The following HERC4 variants were observed in gnomAD, a reference collection of about 807,000 sequenced individuals.
HERC4 encodes the protein probable E3 ubiquitin-protein ligase HERC4.
A neutral mutation model predicts 124.3 loss-of-function variants in HERC4; 28 were observed. The ratio of observed to expected loss-of-function variants is 0.23; its 90% CI spans 0.17 to 0.31. The LOEUF (loss-of-function observed/expected upper bound fraction) is 0.31. Among genes scored for constraint, HERC4 ranks in the 10% least tolerant of loss-of-function variants. The pLI, the probability that HERC4 is intolerant of heterozygous loss-of-function variation, is 1.00. For synonymous variants in HERC4, 407 were observed against 421.5 expected, an observed-to-expected ratio of 0.97 and a Z score of 0.42; for missense variants, 713 against 1,229.3, an observed-to-expected ratio of 0.58 and a Z score of 6.28.
intron 3 of HERC4, among the ~76,000 whole-genome samples, chr10:68,059,751 A>AATATTATATATCATATTAT (rs2040851018): frequency 1.2e-5 from 1 of 84,118 alleles, no homozygotes; most frequent in Non-Finnish European, 1.9e-5. Context: ...TATATATTAT[A>AATATTATATATCATATTAT]ATATTATATA....
At chr10:67,973,006 T>C (rs962655553) in intron 15 of HERC4, among the ~76,000 whole-genome samples, 1 of 152,174 alleles carries the variant, frequency 6.6e-6, no homozygotes, top group East Asian at 1.9e-4. Flanking sequence ...AAGGATGATA[T>C]CTACATTTTA....
intron 15 of HERC4, among the ~76,000 whole-genome samples, chr10:67,969,880 C>T (rs1302252141): frequency 2.6e-5 from 4 of 152,142 alleles, no homozygotes; most frequent in Admixed American, 1.3e-4. Flanking sequence ...AACCAAGAAC[C>T]ATTTCTGTTC....
chr10:68,030,307 C>G (rs12254861), intron 7 of HERC4, among the ~76,000 whole-genome samples: 2 of 151,560 alleles, frequency 1.3e-5, no homozygotes, highest in Non-Finnish European at 2.9e-5. Flanking sequence ...CGGGTGTGAT[C>G]GTGCATGCCT....
In HERC4 at chr10:67,931,831, T is replaced by C. The variant is rs545735662; in HGVS notation, c.2838+766A>G. ...AGGGTCAAGTGCAGTGGTATAATCA[T>C]GGCTCACTACAGCCTCAACCACCTG... On this transcript the variant is annotated intron_variant, in intron 23 of 24. Transcript: ENST00000373700. Among the ~76,000 whole-genome samples, 73 of 152,340 alleles carry C rather than the reference T, an allele frequency of 4.8e-4. No homozygotes were observed. In the South Asian group the frequency reaches 0.015, roughly 30 times the overall value.
chr10:67,956,433 T>C (rs1589174408), intron 17 of HERC4: 1 of 152,612 alleles, frequency 6.6e-6, no homozygotes, highest in South Asian at 2.1e-4. Flanking sequence ...TTATTGAAAC[T>C]TTCTTCAAGG....
At chr10:68,012,660 T>C (rs915803825) in intron 9 of HERC4, among the ~76,000 whole-genome samples, 1 of 152,148 alleles carries the variant, frequency 6.6e-6, no homozygotes, top group Non-Finnish European at 1.5e-5. Flanking sequence ...ACAGATATAG[T>C]AACAACACAG....
At chr10:67,932,034 T>C (rs1295481158) in intron 23 of HERC4, among the ~76,000 whole-genome samples, 1 of 152,160 alleles carries the variant, frequency 6.6e-6, no homozygotes, top group Admixed American at 6.5e-5. Context: ...CTCAGCTCAC[T>C]GCAACCTCCG....
At chr10:67,996,828 TA>T (rs748755387) in intron 9 of HERC4, among the ~76,000 whole-genome samples, 29 of 151,096 alleles carry the variant, frequency 1.9e-4, no homozygotes, top group Admixed American at 6.6e-5. Context: ...AAAAATAAAA[TA>T]AAATAAAAAT....
At chr10:67,954,798 G>T in intron 18 of HERC4, 60 bp from the exon 19 acceptor site, 1 of 1,517,192 alleles carries the variant, frequency 6.6e-7, no homozygotes, top group Non-Finnish European at 9.1e-7. Context: ...ACATTCTGGA[G>T]ACCCTAGAAC....
chr10:68,013,600 T>C (rs1193897012), intron 9 of HERC4, among the ~76,000 whole-genome samples: 1 of 152,056 alleles, frequency 6.6e-6, no homozygotes, highest in Non-Finnish European at 1.5e-5. Context: ...GAATGAAGAG[T>C]TGCTGTTTAA....
intron 19 of HERC4, among the ~76,000 whole-genome samples, chr10:67,945,244 T>C (rs1435891358): frequency 6.6e-6 from 1 of 152,166 alleles, no homozygotes; most frequent in African/African-American, 2.4e-5. Flanking sequence ...CTCCAGTACA[T>C]CTAGCAGTAG....
intron 16 of HERC4, among the ~76,000 whole-genome samples, chr10:67,957,371 A>C (rs1216333964): frequency 6.6e-6 from 1 of 152,206 alleles, no homozygotes; most frequent in African/African-American, 2.4e-5. Flanking sequence ...TAATCTGTCT[A>C]TTCCTTCATT....
chr10:67,923,187 A>T (rs1447745196), intron 24 of HERC4, 48 bp from the exon 25 acceptor site: 1 of 1,409,394 alleles, frequency 7.1e-7, no homozygotes, highest in Non-Finnish European at 1.0e-6. Context: ...ACAAAAAGAT[A>T]CAGTAGCAAG....
At chr10:67,951,974 A>G (rs2033823353) in intron 19 of HERC4, among the ~76,000 whole-genome samples, 1 of 152,150 alleles carries the variant, frequency 6.6e-6, no homozygotes, top group Admixed American at 6.5e-5. Context: ...TCTGTTTCCA[A>G]CAATCTTGTT....
Position 67,939,579 on chromosome 10 carries a change from C to T in HERC4, c.2571+9G>A, listed in dbSNP as rs1412595220. ...AATAATCAGGCTAACCTATGTCCTT[C>T]CATCTTACCGTAAAATTAAGACAAA... On this transcript the variant is annotated intron_variant, in intron 21 of 24. Coordinates refer to ENST00000373700, the MANE Select transcript of HERC4 (RefSeq NM_015601.4). 36 of 1,578,948 alleles carry T rather than the reference C, an allele frequency of 2.3e-5. No homozygotes were observed. The highest frequency in any genetic ancestry group is 2.9e-5 in the Non-Finnish European group (34 of 1,152,874).
At chr10:67,986,974 T>C (rs1394042509) in intron 15 of HERC4, among the ~76,000 whole-genome samples, 1 of 152,170 alleles carries the variant, frequency 6.6e-6, no homozygotes, top group East Asian at 1.9e-4. Context: ...TTCCAGTCTA[T>C]GAAAAGGGGC....
intron 16 of HERC4, among the ~76,000 whole-genome samples, chr10:67,957,951 G>A (rs1051503885): frequency 1.4e-4 from 22 of 152,072 alleles, no homozygotes; most frequent in Admixed American, 6.6e-5. Flanking sequence ...GGGATTACAG[G>A]TGCCTGTCAC....
intron 8 of HERC4, 99 bp downstream of exon 8, chr10:68,025,447 T>A (rs1203814863): frequency 7.5e-7 from 1 of 1,341,512 alleles, no homozygotes; most frequent in Non-Finnish European, 1.0e-6. Context: ...GGGCAGAATG[T>A]GTTTCCTCAG....
intron 24 of HERC4, among the ~76,000 whole-genome samples, chr10:67,923,767 T>C (rs2030528485): frequency 6.6e-6 from 1 of 151,834 alleles, no homozygotes; most frequent in South Asian, 2.1e-4. Flanking sequence ...CTCAAATCAC[T>C]CTTAAAGAGT....
Sources: allele counts gnomAD v4.1 joint callset (sites outside exome capture counted in the v4.1 genomes callset), GRCh38; gene constraint gnomAD v4.1.1; transcripts MANE v1.5; gene names NCBI Gene and HGNC (gene_info 2026-07-23, HGNC 2026-07-21).